DYNC2H1: variants seen among roughly 807,000 people sequenced by gnomAD.
The protein encoded by DYNC2H1 is cytoplasmic dynein 2 heavy chain 1.
DYNC2H1 carries 410 observed loss-of-function variants against 570.0 expected under a neutral mutation model. That is an observed-to-expected ratio of 0.72 (90% CI 0.66 to 0.78). DYNC2H1 has a LOEUF of 0.78. Among genes scored for constraint, DYNC2H1 ranks in the 30% least tolerant of loss-of-function variants. DYNC2H1 has a pLI of 0.00. For missense variants in DYNC2H1, 4,865 were observed against 5,046.4 expected, an observed-to-expected ratio of 0.96 and a Z score of 1.09; for synonymous variants, 1,688 against 1,677.6, an observed-to-expected ratio of 1.01 and a Z score of -0.15.
chr11:103,242,360 T>A (rs975767574), intron 63 of DYNC2H1, among the ~76,000 whole-genome samples: 1 of 152,164 alleles, frequency 6.6e-6, no homozygotes, highest in African/African-American at 2.4e-5. Flanking sequence ...TAGTTTTTCT[T>A]TCTGCCTGTC....
chr11:103,161,788 G>A (rs1861104382), intron 29 of DYNC2H1, among the ~76,000 whole-genome samples: 1 of 152,118 alleles, frequency 6.6e-6, no homozygotes, highest in Non-Finnish European at 1.5e-5. Flanking sequence ...GGTTCTGCAG[G>A]ACTGGAAGTA....
At chr11:103,255,980 G>A in intron 67 of DYNC2H1, 126 bp from the exon 68 acceptor site, 1 of 797,062 alleles carries the variant, frequency 1.3e-6, no homozygotes, top group East Asian at 3.0e-5. Flanking sequence ...GCTATAAAAT[G>A]TTGAAATTCT....
rs553116297 is a variant in DYNC2H1, at chr11:103,241,774, G to A, written c.9820-1919G>A. The stretch of plus-strand genomic sequence containing the variant: ...TCTCTAGAAATAGATGCTGGGTGAT[G>A]CTCATACAGTGTAACGTGGCAGGAG... On this transcript the variant is annotated intron_variant, in intron 63 of 88. Transcript: ENST00000375735. This position sits in a 1 kb window ranked among gnomAD's most constrained non-coding sequence, Gnocchi z 5.1. 8.1e-4 allele frequency among the ~76,000 whole-genome samples: 124 copies of A among 152,256 alleles called. No homozygotes were observed. The highest frequency in any genetic ancestry group is 3.0e-3 in the African/African-American group (123 of 41,556).
intron 1 of DYNC2H1, 58 bp downstream of exon 1, chr11:103,109,827 G>C: frequency 6.5e-7 from 1 of 1,532,128 alleles, no homozygotes; most frequent in Non-Finnish European, 8.8e-7. Flanking sequence ...CCCAGGCCCA[G>C]CCAGAGGGAC....
intron 63 of DYNC2H1, among the ~76,000 whole-genome samples, chr11:103,242,983 C>A (rs191070267): frequency 6.6e-6 from 1 of 152,144 alleles, no homozygotes; most frequent in African/African-American, 2.4e-5. Context: ...CCTCCCAAAG[C>A]CACCACACCG....
At chr11:103,415,451 A>T (rs1459698175) in intron 84 of DYNC2H1, among the ~76,000 whole-genome samples, 1 of 152,174 alleles carries the variant, frequency 6.6e-6, no homozygotes, top group Non-Finnish European at 1.5e-5. Flanking sequence ...CAGAATCTAC[A>T]AAGAACTCGT....
intron 84 of DYNC2H1, among the ~76,000 whole-genome samples, chr11:103,431,579 TAATA>T (rs1259216542): frequency 1.3e-5 from 2 of 152,174 alleles, no homozygotes; most frequent in Non-Finnish European, 2.9e-5. Context: ...GTTATTATAT[TAATA>T]ACTAGGCTCA....
At chr11:103,276,656 T>TA (rs1437226462) in intron 70 of DYNC2H1, among the ~76,000 whole-genome samples, 1 of 152,120 alleles carries the variant, frequency 6.6e-6, no homozygotes, top group Non-Finnish European at 1.5e-5. Flanking sequence ...TGCAGATGTT[T>TA]ATCCATATAT....
chr11:103,324,836 G>A lies in DYNC2H1; in HGVS notation c.12039+846G>A, dbSNP rs530026517. Among the ~76,000 whole-genome samples, 2 of 152,280 alleles carry A rather than the reference G, an allele frequency of 1.3e-5. No homozygotes were observed. The highest frequency in any genetic ancestry group is 6.5e-5 in the Admixed American group (1 of 15,296). On this transcript the variant is annotated intron_variant, in intron 82 of 88. Transcript: ENST00000375735. This position sits in a 1 kb window ranked among gnomAD's most constrained non-coding sequence, Gnocchi z 5.2. ...TAATTTGCATTCCCACCAGTGGTGT[G>A]TAAGCATTCCCTTTTCTCTGCAACC...
Position 103,151,095 on chromosome 11 carries a change from T to A in DYNC2H1, c.2947-1041T>A, listed in dbSNP as rs1487626898. 2.0e-5 allele frequency among the ~76,000 whole-genome samples: 3 copies of A among 152,020 alleles called. No individual in the cohort carries two copies. The highest frequency in any genetic ancestry group is 4.4e-5 in the Non-Finnish European group (3 of 68,012). The stretch of plus-strand genomic sequence containing the variant: ...GGAGGTAGGTAGACTAGGAAACTAT[T>A]GTGATATGTTTTACAGGCTAACTGG... On this transcript the variant is annotated intron_variant, in intron 20 of 88. Coordinates refer to ENST00000375735, the MANE Select transcript of DYNC2H1 (RefSeq NM_001377.3). This position sits in a 1 kb window ranked among gnomAD's most constrained non-coding sequence, Gnocchi z 4.6.
intron 83 of DYNC2H1, among the ~76,000 whole-genome samples, chr11:103,370,464 C>T (rs533714804): frequency 2.6e-5 from 4 of 152,122 alleles, no homozygotes; most frequent in Non-Finnish European, 5.9e-5. Flanking sequence ...AACCCCAGGG[C>T]CTTGAGTGAT....
chr11:103,299,308 A>G lies in DYNC2H1; in HGVS notation c.11096-3785A>G, dbSNP rs746150030. ...TTGTGTCTAAAAGAAAGAAAGACAT[A>G]AGGATATGTGCATTCATTTTCTGTT... On this transcript the variant is annotated intron_variant, in intron 75 of 88. Transcript: ENST00000375735. This position sits in a 1 kb window ranked among gnomAD's most constrained non-coding sequence, Gnocchi z 4.5. 6.6e-6 allele frequency among the ~76,000 whole-genome samples: 1 copy of G among 152,138 alleles called. No individual in the cohort carries two copies. Among genetic ancestry groups the G allele is most frequent in the East Asian group, 1.9e-4 (1 of 5,198 alleles).
chr11:103,118,028 T>C (rs1047961863), intron 6 of DYNC2H1, among the ~76,000 whole-genome samples, 165 bp downstream of exon 6: 2 of 152,148 alleles, frequency 1.3e-5, no homozygotes, highest in African/African-American at 4.8e-5. Flanking sequence ...CATCCTTTCT[T>C]TTTATTTTGT....
Position 103,295,246 on chromosome 11 carries a change from C to T in DYNC2H1, c.11095+7641C>T, listed in dbSNP as rs535223436. On this transcript the variant is annotated intron_variant, in intron 75 of 88. Transcript: ENST00000375735. ...CAGAGGACTTCCCTCTGGCCCCGGGCTGCTGTATATGCTCCTTCCATGGGC... is the reference window on the plus strand; with the variant it reads ...CAGAGGACTTCCCTCTGGCCCCGGGTTGCTGTATATGCTCCTTCCATGGGC... Among the ~76,000 whole-genome samples the T allele has an allele frequency of 2.6e-5, 4 of 152,282 alleles. No individual in the cohort carries two copies. In the South Asian group the frequency reaches 8.3e-4, roughly 32 times the overall value.
At chr11:103,136,937 AT>A (rs1859591415) in intron 17 of DYNC2H1, among the ~76,000 whole-genome samples, 1 of 151,432 alleles carries the variant, frequency 6.6e-6, no homozygotes, top group Non-Finnish European at 1.5e-5. Context: ...GTGAGATGGT[AT>A]CTCATTGTGG....
intron 55 of DYNC2H1, among the ~76,000 whole-genome samples, chr11:103,218,705 A>G (rs1013460673): frequency 1.3e-5 from 2 of 152,220 alleles, no homozygotes; most frequent in African/African-American, 4.8e-5. Context: ...CATTAGTAAT[A>G]CACATTGAGT....
chr11:103,193,856 T>C (rs1257240268), intron 47 of DYNC2H1, among the ~76,000 whole-genome samples: 3 of 152,178 alleles, frequency 2.0e-5, no homozygotes, highest in African/African-American at 7.2e-5. Context: ...AGATTTTCTT[T>C]TTTAAAAATA....
rs182143102 is a variant in DYNC2H1 at position 103,360,675 on chromosome 11, G to A, written c.12156+2316G>A. ...TCATTCAGAATATTTTAATGAGTAC[G>A]TAATGTGTTTCAGTGATTTTTATGC... is the stretch of plus-strand genomic sequence containing the variant. On this transcript the variant is annotated intron_variant, in intron 83 of 88. Transcript: ENST00000375735. Among the ~76,000 whole-genome samples the A allele has an allele frequency of 1.3e-3, 201 of 152,134 alleles. 1 individual carries two copies. In the East Asian group the frequency reaches 0.019, roughly 14 times the overall value.
chr11:103,126,585 A>G (rs1184123239), intron 12 of DYNC2H1, among the ~76,000 whole-genome samples: 1 of 152,060 alleles, frequency 6.6e-6, no homozygotes, highest in Non-Finnish European at 1.5e-5. Flanking sequence ...CATAGATAGT[A>G]AGTTATGAAG....
Sources: allele counts gnomAD v4.1 joint callset (sites outside exome capture counted in the v4.1 genomes callset), GRCh38; gene constraint gnomAD v4.1.1; non-coding constraint Gnocchi (gnomAD v3.1); transcripts MANE v1.5; gene names NCBI Gene and HGNC (gene_info 2026-07-23, HGNC 2026-07-21).